FAM228B: variants seen among roughly 807,000 people sequenced by gnomAD.
FAM228B encodes the protein family with sequence similarity 228 member B.
FAM228B carries 38 observed loss-of-function variants against 42.6 expected under a neutral mutation model. The observed-to-expected ratio is 0.89, with a 90% CI of 0.69 to 1.17. The LOEUF (loss-of-function observed/expected upper bound fraction) is 1.17, where lower values mean the gene tolerates loss of function less well. Ranked by LOEUF, FAM228B falls within the 50% of genes most tolerant of loss-of-function variation. FAM228B has a pLI of 0.00. For synonymous variants in FAM228B, 109 were observed against 122.3 expected, an observed-to-expected ratio of 0.89 and a Z score of 0.72; for missense variants, 344 against 367.3, an observed-to-expected ratio of 0.94 and a Z score of 0.52.
intron 3 of FAM228B, among the ~76,000 whole-genome samples, chr2:24,135,982 T>TG (rs1295343747): frequency 6.6e-6 from 1 of 151,276 alleles, no homozygotes; most frequent in Non-Finnish European, 1.5e-5. Context: ...AAGGGTTTTT[T>TG]TTTTTTTTTT....
chr2:24,096,532 A>C (rs1665501677), intron 3 of FAM228B: 1 of 152,132 alleles, frequency 6.6e-6, no homozygotes. Context: ...AAAGGGTATC[A>C]GTGATTGAAG....
At chr2:24,079,673 A>T (rs1016258349) in intron 1 of FAM228B, 1 of 1,600,154 alleles carries the variant, frequency 6.2e-7, no homozygotes, top group Non-Finnish European at 8.6e-7. Flanking sequence ...GATGCTAGTC[A>T]GCTTGGTGCT....
chr2:24,158,233 ACT>A (rs1320859470), intron 7 of FAM228B, among the ~76,000 whole-genome samples: 1 of 109,672 alleles, frequency 9.1e-6, no homozygotes, highest in African/African-American at 3.7e-5. Flanking sequence ...TGTTCCCAAG[ACT>A]CTATTAAAAT....
chr2:24,108,499 T>G (rs994967100), intron 3 of FAM228B, among the ~76,000 whole-genome samples: 2 of 151,732 alleles, frequency 1.3e-5, no homozygotes, highest in African/African-American at 2.4e-5. Flanking sequence ...ACAACAAAAA[T>G]AAAAAGAAAA....
chr2:24,127,166 T>C (rs1666334780), intron 2 of FAM228B, among the ~76,000 whole-genome samples: 1 of 152,218 alleles, frequency 6.6e-6, no homozygotes, highest in South Asian at 2.1e-4. Flanking sequence ...CAGATTTGTC[T>C]ACTCTGGACA....
At chr2:24,083,983 C>T (rs1047906692) in intron 2 of FAM228B, among the ~76,000 whole-genome samples, 10 of 152,172 alleles carry the variant, frequency 6.6e-5, no homozygotes, top group Admixed American at 2.0e-4. Context: ...TGGATTAGCT[C>T]GGGGTGGATT....
intron 1 of FAM228B, chr2:24,079,405 T>G: frequency 3.7e-6 from 6 of 1,602,862 alleles, no homozygotes; most frequent in Non-Finnish European, 5.1e-6. Flanking sequence ...CACACTTTTC[T>G]GGGTTAAATC....
chr2:24,145,706 C>CTT (rs34354190), intron 5 of FAM228B, among the ~76,000 whole-genome samples: 1 of 114,328 alleles, frequency 8.7e-6, no homozygotes, highest in African/African-American at 3.0e-5. Context: ...TTTTTTGTTC[C>CTT]TTTTTTTTTT....
Position 24,077,759 on chromosome 2 carries a change from G to A in FAM228B, c.-290+790G>A. 6.2e-7 allele frequency: 1 copy of A among 1,612,640 alleles called. No individual in the cohort carries two copies. On this transcript the variant is annotated intron_variant, in intron 1 of 10. Coordinates refer to the FAM228B transcript ENST00000613899. This position sits in a 1 kb window ranked among gnomAD's most constrained non-coding sequence, Gnocchi z 5.5. ...TGAAAGCATTCACCAGCATTTGCTT[G>A]TACTAAGACAAGGGAAAGGAGATCA...
At chr2:24,118,378 G>A (rs183735306) in intron 3 of FAM228B, among the ~76,000 whole-genome samples, 13 of 152,260 alleles carry the variant, frequency 8.5e-5, no homozygotes, top group Admixed American at 7.2e-4. Context: ...TTTCTCAATT[G>A]GCCCTTTAAG....
intron 9 of FAM228B, among the ~76,000 whole-genome samples, chr2:24,167,037 T>G (rs1667434097): frequency 6.6e-6 from 1 of 151,986 alleles, no homozygotes; most frequent in Non-Finnish European, 1.5e-5. Context: ...AGAATAAAAT[T>G]CAAAGTGTGA....
chr2:24,077,802 C>G lies in FAM228B; in HGVS notation c.-290+833C>G, dbSNP rs1402530665. On this transcript the variant is annotated intron_variant, in intron 1 of 10. Coordinates refer to the FAM228B transcript ENST00000613899. The surrounding 1 kb of genome is among the most constrained non-coding windows in gnomAD (Gnocchi z 5.5). The stretch of plus-strand genomic sequence containing the variant: ...GGAGATCATCAGCCTGGGGAGAGAG[C>G]CTCACCCTGCCCTCCTCATCCTCCT... 2 of 1,577,608 alleles carry G rather than the reference C, an allele frequency of 1.3e-6. No homozygotes were observed. Among genetic ancestry groups the G allele is most frequent in the East Asian group, 2.2e-5 (1 of 44,644 alleles).
At chr2:24,124,309 A>G in intron 1 of FAM228B, 21 bp from the exon 2 acceptor site, 2 of 1,209,500 alleles carry the variant, frequency 1.7e-6, no homozygotes, top group Non-Finnish European at 2.4e-6. Context: ...AATGTTCAAT[A>G]CTAAATAAGA....
chr2:24,084,123 A>C lies in FAM228B; in HGVS notation c.-210+3168A>C. On this transcript the variant is annotated intron_variant, in intron 2 of 10. Coordinates refer to the FAM228B transcript ENST00000613899. The surrounding 1 kb of genome is among the most constrained non-coding windows in gnomAD (Gnocchi z 8.4). ...ACGCCTTCACGTCTGGTCAATGTCC[A>C]CTGAGTGCTGTTGAGAGGGAGGCTC... The C allele has an allele frequency of 2.6e-6, 4 of 1,546,246 alleles. No individual in the cohort carries two copies. Among genetic ancestry groups the C allele is most frequent in the Non-Finnish European group, 3.5e-6 (4 of 1,150,970 alleles).
intron 2 of FAM228B, among the ~76,000 whole-genome samples, chr2:24,129,178 C>T (rs1378316559): frequency 6.6e-6 from 1 of 152,164 alleles, no homozygotes; most frequent in East Asian, 1.9e-4. Flanking sequence ...TCTGGCCTCT[C>T]CAGACTCCCA....
intron 6 of FAM228B, 33 bp from the exon 7 acceptor site, chr2:24,146,897 G>A: frequency 3.9e-6 from 6 of 1,544,714 alleles, no homozygotes; most frequent in Non-Finnish European, 5.3e-6. Context: ...ATGCATTTAA[G>A]GATGTTAATT....
intron 1 of FAM228B, 25 bp downstream of exon 1, chr2:24,123,558 C>T (rs1359862851): frequency 1.3e-5 from 2 of 152,146 alleles, no homozygotes; most frequent in South Asian, 2.1e-4. Flanking sequence ...TCGCGCGTTC[C>T]GCAGACGCGG....
intron 8 of FAM228B, among the ~76,000 whole-genome samples, chr2:24,162,374 C>G (rs1667306343): frequency 1.3e-5 from 2 of 152,116 alleles, no homozygotes; most frequent in South Asian, 4.1e-4. Context: ...GGGGAATCAT[C>G]TCAGCTAACT....
chr2:24,141,463 C>G (rs559656437), intron 5 of FAM228B, among the ~76,000 whole-genome samples: 1 of 152,282 alleles, frequency 6.6e-6, no homozygotes, highest in Admixed American at 6.5e-5. Flanking sequence ...CCAGGATGGT[C>G]TCAATCTCCT....
Sources: gnomAD v4.1 joint callset for allele counts (sites outside exome capture counted in the v4.1 genomes callset) on GRCh38, gnomAD v4.1.1 for gene constraint, Gnocchi (gnomAD v3.1) non-coding constraint, MANE v1.5 for transcripts, NCBI Gene and HGNC (gene_info 2026-07-23, HGNC 2026-07-21) for gene names.